Variants in RBMS1 observed in about 807,000 individuals in gnomAD.
RBMS1 encodes RNA-binding motif, single-stranded-interacting protein 1.
A neutral mutation model predicts 62.3 loss-of-function variants in RBMS1; 17 were observed. The ratio of observed to expected loss-of-function variants is 0.27; its 90% confidence interval spans 0.19 to 0.41. The LOEUF is 0.41. Among genes scored for constraint, RBMS1 ranks in the 10% least tolerant of loss-of-function variants. The pLI is 1.00. For missense variants in RBMS1, 334 were observed against 504.5 expected, an observed-to-expected ratio of 0.66 and a Z score of 3.24; for synonymous variants, 172 against 170.0, an observed-to-expected ratio of 1.01 and a Z score of -0.09.
chr2:160,337,423 C>A (rs553059287), intron 2 of RBMS1, among the ~76,000 whole-genome samples: 6 of 152,074 alleles, frequency 3.9e-5, no homozygotes, highest in African/African-American at 7.2e-5. Flanking sequence ...TGTAAGCCAT[C>A]GTGCCTGGCC....
chr2:160,451,373 A>G (rs1221443928), intron 1 of RBMS1, among the ~76,000 whole-genome samples: 1 of 152,084 alleles, frequency 6.6e-6, no homozygotes, highest in African/African-American at 2.4e-5. Context: ...CATAGTTTTT[A>G]TCTCCTTTGA....
rs578234019 is a variant in RBMS1, at chr2:160,281,079, T to C, written c.951+235A>G. On this transcript the variant is annotated intron_variant, in intron 10 of 13. Coordinates refer to ENST00000348849, the MANE Select transcript of RBMS1 (RefSeq NM_016836.4). ...AGAGCTGGTATGAATAAGAAAATGG[T>C]GCCCTGCCTCAAATATGATATATTT... is the stretch of plus-strand genomic sequence containing the variant. Among the ~76,000 whole-genome samples, 3 of 152,258 alleles carry C rather than the reference T, an allele frequency of 2.0e-5. No individual in the cohort carries two copies. In the South Asian group the frequency reaches 6.2e-4, roughly 32 times the overall value.
chr2:160,312,438 T>C (rs1689977413), intron 4 of RBMS1, among the ~76,000 whole-genome samples: 1 of 152,188 alleles, frequency 6.6e-6, no homozygotes, highest in African/African-American at 2.4e-5. Context: ...AAAATATATA[T>C]TAAGCATGAA....
intron 1 of RBMS1, among the ~76,000 whole-genome samples, chr2:160,432,771 C>T (rs988843378): frequency 6.6e-6 from 1 of 152,118 alleles, no homozygotes; most frequent in Non-Finnish European, 1.5e-5. Flanking sequence ...AGAGAAGGAG[C>T]CAGAGCTTTG....
intron 1 of RBMS1, among the ~76,000 whole-genome samples, chr2:160,455,907 T>G (rs1038390901): frequency 2.0e-5 from 3 of 151,778 alleles, no homozygotes; most frequent in African/African-American, 2.4e-5. Context: ...ATGGTCTCGA[T>G]CTCCTGACCT....
At chr2:160,439,847 G>A (rs968706598) in intron 1 of RBMS1, among the ~76,000 whole-genome samples, 1 of 152,188 alleles carries the variant, frequency 6.6e-6, no homozygotes, top group African/African-American at 2.4e-5. Flanking sequence ...GCGGTTAGGA[G>A]CTGGAGACCA....
At chr2:160,330,232 G>A (rs1573872668) in intron 2 of RBMS1, among the ~76,000 whole-genome samples, 1 of 152,174 alleles carries the variant, frequency 6.6e-6, no homozygotes, top group Non-Finnish European at 1.5e-5. Flanking sequence ...TGTGGCTTGA[G>A]TGAGTGGGTA....
chr2:160,411,108 CCTCA>C (rs1459185664), intron 1 of RBMS1, among the ~76,000 whole-genome samples: 1 of 152,200 alleles, frequency 6.6e-6, no homozygotes, highest in African/African-American at 2.4e-5. Context: ...TCCTCCCTCA[CCTCA>C]CTCAGCTGGT....
intron 1 of RBMS1, among the ~76,000 whole-genome samples, chr2:160,429,995 G>C (rs1263351836): frequency 6.6e-6 from 1 of 152,244 alleles, no homozygotes; most frequent in Non-Finnish European, 1.5e-5. Context: ...CTGCCTTCCA[G>C]TTAGAATCCA....
intron 2 of RBMS1, among the ~76,000 whole-genome samples, chr2:160,326,598 T>C (rs1690944824): frequency 6.6e-6 from 1 of 152,158 alleles, no homozygotes; most frequent in South Asian, 2.1e-4. Flanking sequence ...GATTTGGAAC[T>C]GTAGAATGAA....
chr2:160,324,905 T>C (rs200248997), intron 2 of RBMS1, among the ~76,000 whole-genome samples: 8,230 of 118,336 alleles, frequency 0.07, 314 homozygotes, highest in Non-Finnish European at 0.095. Context: ...TATATATATA[T>C]ATACACACAC....
At chr2:160,276,173 C>G (rs894712597) in intron 12 of RBMS1, among the ~76,000 whole-genome samples, 1 of 152,178 alleles carries the variant, frequency 6.6e-6, no homozygotes, top group Non-Finnish European at 1.5e-5. Flanking sequence ...TTTGTCTCAT[C>G]TCAATTCAGG....
At chr2:160,448,303 CT>C (rs1192027318) in intron 1 of RBMS1, among the ~76,000 whole-genome samples, 4 of 151,240 alleles carry the variant, frequency 2.6e-5, no homozygotes, top group South Asian at 2.1e-4. Context: ...CCCCCTCCCC[CT>C]CTCCCGTCTC....
At chr2:160,403,609 G>C (rs538459229) in intron 1 of RBMS1, among the ~76,000 whole-genome samples, 1 of 152,250 alleles carries the variant, frequency 6.6e-6, no homozygotes, top group Non-Finnish European at 1.5e-5. Context: ...CTCATCAAAA[G>C]TTAGCAACAT....
chr2:160,292,669 A>G (rs1388863536), intron 6 of RBMS1, among the ~76,000 whole-genome samples: 1 of 152,244 alleles, frequency 6.6e-6, no homozygotes, highest in Non-Finnish European at 1.5e-5. Context: ...GCTTTAATAA[A>G]ATCTTACTCC....
chr2:160,366,097 T>C (rs949373969), intron 2 of RBMS1, among the ~76,000 whole-genome samples: 1 of 152,038 alleles, frequency 6.6e-6, no homozygotes, highest in Non-Finnish European at 1.5e-5. Flanking sequence ...TCTAGAAAGT[T>C]CTCCAGATCC....
chr2:160,392,513 C>A (rs1172095813), intron 1 of RBMS1, among the ~76,000 whole-genome samples: 8 of 151,556 alleles, frequency 5.3e-5, no homozygotes, highest in Admixed American at 3.3e-4. Flanking sequence ...AATATATGAG[C>A]AGTTCCCACG....
At chr2:160,388,846 A>T (rs1156317788) in intron 1 of RBMS1, among the ~76,000 whole-genome samples, 1 of 152,208 alleles carries the variant, frequency 6.6e-6, no homozygotes, top group Admixed American at 6.5e-5. Flanking sequence ...TACAAACTTT[A>T]TTGGGATAAA....
chr2:160,303,686 C>T (rs1689335579), intron 4 of RBMS1, among the ~76,000 whole-genome samples, 199 bp from the exon 5 acceptor site: 1 of 152,182 alleles, frequency 6.6e-6, no homozygotes, highest in African/African-American at 2.4e-5. Flanking sequence ...CACGATCCCA[C>T]CAAGCCCTTC....
Sources: gnomAD v4.1 joint callset for allele counts (sites outside exome capture counted in the v4.1 genomes callset) on GRCh38, gnomAD v4.1.1 for gene constraint, MANE v1.5 for transcripts, NCBI Gene and HGNC (gene_info 2026-07-23, HGNC 2026-07-21) for gene names.